The following APLF variants were observed in gnomAD, a reference collection of about 807,000 sequenced individuals.
APLF encodes the protein aprataxin and PNKP like factor.
APLF carries 61 observed loss-of-function variants against 55.6 expected under a neutral mutation model. The ratio of observed to expected loss-of-function variants is 1.10; its 90% confidence interval spans 0.89 to 1.36. The LOEUF (loss-of-function observed/expected upper bound fraction) is 1.36. Ranked by LOEUF, APLF falls within the 40% of genes most tolerant of loss-of-function variation. APLF has a pLI of 0.00. For synonymous variants in APLF, 207 were observed against 214.8 expected (o/e 0.96, Z 0.32); for missense variants, 611 against 602.5 (o/e 1.01, Z -0.15).
At chr2:68,489,966 G>T (rs1481256217) in intron 1 of APLF, among the ~76,000 whole-genome samples, 1 of 152,094 alleles carries the variant, frequency 6.6e-6, no homozygotes, top group Non-Finnish European at 1.5e-5. Context: ...TTCTAGGCTT[G>T]AGGCTCTGTT....
chr2:68,480,302 C>CTT (rs539696340), intron 1 of APLF, among the ~76,000 whole-genome samples: 2 of 141,086 alleles, frequency 1.4e-5, no homozygotes, highest in Admixed American at 7.1e-5. Context: ...TTTCTTTTTC[C>CTT]TTTTTTTTTT....
chr2:68,535,496 G>C (rs1299716759), intron 6 of APLF: 1 of 180,868 alleles, frequency 5.5e-6, no homozygotes. Context: ...TATTATTCTT[G>C]TTCAGTTAAA....
chr2:68,515,489 C>T (rs1464241858), intron 5 of APLF: 5 of 773,656 alleles, frequency 6.5e-6, no homozygotes, highest in Non-Finnish European at 7.8e-6. Context: ...CCTTTTCTTT[C>T]AGAATTGTTT....
rs374129139 is a variant in APLF at position 68,513,073 on chromosome 2, C to G, written c.342-7C>G. 1.3e-6 allele frequency: 2 copies of G among 1,592,314 alleles called. No homozygotes were observed. Among genetic ancestry groups the G allele is most frequent in the Non-Finnish European group, 1.7e-6 (2 of 1,169,148 alleles). ...AATTAAAGACCAGTTTCTATTTTAT[C>G]TTATAGAAACAGTCAAGTGCTTGAT... On this transcript the variant is annotated splice_polypyrimidine_tract_variant and splice_region_variant and intron_variant, in intron 3 of 9. Transcript: ENST00000303795.
intron 3 of APLF, among the ~76,000 whole-genome samples, chr2:68,505,466 G>A (rs1021684868): frequency 2.0e-5 from 3 of 151,884 alleles, no homozygotes; most frequent in Non-Finnish European, 4.4e-5. Flanking sequence ...TCAGGTTATG[G>A]GATTAGTGAA....
In APLF at chr2:68,571,724, C is replaced by A. The variant is rs766515016; in HGVS notation, c.1333+4337C>A. ...TGTAGTATAGTTTGAAGTCAGGTAG[C>A]GTGATGCCTCCAGCTTTGTTCTTTT... is the stretch of plus-strand genomic sequence containing the variant. On this transcript the variant is annotated intron_variant, in intron 9 of 9. Transcript: ENST00000303795. 4.7e-4 allele frequency among the ~76,000 whole-genome samples: 71 copies of A among 152,200 alleles called. 1 individual carries two copies. The highest frequency in any genetic ancestry group is 1.4e-3 in the African/African-American group (59 of 41,536).
At chr2:68,573,529 T>A (rs914069940) in intron 9 of APLF, among the ~76,000 whole-genome samples, 7 of 151,864 alleles carry the variant, frequency 4.6e-5, no homozygotes, top group Non-Finnish European at 1.0e-4. Context: ...AAAAAGTAGC[T>A]GGGCGTGGTG....
intron 1 of APLF, among the ~76,000 whole-genome samples, chr2:68,487,269 T>G (rs1676214172): frequency 1.3e-5 from 2 of 152,134 alleles, no homozygotes; most frequent in South Asian, 4.1e-4. Flanking sequence ...TGTGTTCTAG[T>G]TTGACAGTTA....
At chr2:68,576,365 A>G (rs751236695) in intron 9 of APLF, among the ~76,000 whole-genome samples, 1 of 152,128 alleles carries the variant, frequency 6.6e-6, no homozygotes, top group Admixed American at 6.6e-5. Context: ...CATGCCCTCA[A>G]GATGTTTACA....
intron 5 of APLF, among the ~76,000 whole-genome samples, chr2:68,517,099 A>G (rs1336120498): frequency 1.0e-4 from 13 of 124,644 alleles, no homozygotes; most frequent in Non-Finnish European, 1.4e-4. Context: ...AATATATAAT[A>G]TACTAATATA....
chr2:68,519,187 T>C (rs1669814160), intron 5 of APLF, among the ~76,000 whole-genome samples: 1 of 139,168 alleles, frequency 7.2e-6, no homozygotes, highest in African/African-American at 2.6e-5. Flanking sequence ...TGTGACTATA[T>C]ATTTATAATA....
chr2:68,554,005 A>C (rs1670937935), intron 8 of APLF, among the ~76,000 whole-genome samples: 1 of 152,102 alleles, frequency 6.6e-6, no homozygotes. Context: ...GTTGTATGCC[A>C]TGTTAGATAA....
chr2:68,537,518 C>A, intron 6 of APLF, among the ~76,000 whole-genome samples: 1 of 151,974 alleles, frequency 6.6e-6, no homozygotes, highest in Non-Finnish European at 1.5e-5. Flanking sequence ...CAGGCACCCA[C>A]CACCATGCTC....
At chr2:68,521,922 A>G (rs1031814759) in intron 5 of APLF, among the ~76,000 whole-genome samples, 6 of 152,008 alleles carry the variant, frequency 3.9e-5, no homozygotes, top group Admixed American at 1.3e-4. Context: ...ACATTTATGT[A>G]AAGTGCTAGT....
chr2:68,472,461 G>A (rs984235400), intron 1 of APLF, among the ~76,000 whole-genome samples: 52 of 152,148 alleles, frequency 3.4e-4, no homozygotes, highest in African/African-American at 1.2e-3. Context: ...AGAATTTATG[G>A]TTTGTAGGGC....
chr2:68,512,226 C>G (rs1669404314), intron 3 of APLF, among the ~76,000 whole-genome samples: 1 of 151,674 alleles, frequency 6.6e-6, no homozygotes, highest in Admixed American at 6.6e-5. Flanking sequence ...ACCCCCAATC[C>G]CTGGCAACCA....
chr2:68,482,785 C>T (rs1046396745), intron 1 of APLF, among the ~76,000 whole-genome samples: 1 of 152,116 alleles, frequency 6.6e-6, no homozygotes, highest in African/African-American at 2.4e-5. Context: ...TATGGACACA[C>T]AATGATTAGG....
chr2:68,578,239 C>T lies in APLF; in HGVS notation c.*217C>T. On this transcript the variant is annotated 3_prime_UTR_variant, in exon 10 of 10. Transcript: ENST00000303795. Reference sequence around the variant, plus strand: ...CTTGCCTTTTCTTTCCTACTTAAAGCATCTGGAAATAGGAAGACAGAGAAG... The same window carrying T: ...CTTGCCTTTTCTTTCCTACTTAAAGTATCTGGAAATAGGAAGACAGAGAAG... 7.8e-7 allele frequency: 1 copy of T among 1,289,096 alleles called. No individual in the cohort carries two copies. Among genetic ancestry groups the T allele is most frequent in the African/African-American group, 1.5e-5 (1 of 66,384 alleles). The allele number at this position is 1,289,096 out of a possible 1,614,324, so 79.9% of individuals were successfully genotyped here. A position where few individuals can be genotyped will look rare whatever the true frequency, so the allele number is the denominator to read the frequency against.
chr2:68,572,324 T>C (rs895739263), intron 9 of APLF, among the ~76,000 whole-genome samples: 1 of 152,238 alleles, frequency 6.6e-6, no homozygotes, highest in East Asian at 1.9e-4. Flanking sequence ...AATGAAGCGT[T>C]ATTAAAAATG....
Sources: allele counts gnomAD v4.1 joint callset (sites outside exome capture counted in the v4.1 genomes callset), GRCh38; gene constraint gnomAD v4.1.1; transcripts MANE v1.5; gene names NCBI Gene and HGNC (gene_info 2026-07-23, HGNC 2026-07-21).